Variants in MKLN1 observed in about 807,000 individuals in gnomAD.
MKLN1 encodes the protein muskelin 1.
In MKLN1, 18 loss-of-function variants were observed where a neutral mutation model predicts 99.0. The observed-to-expected ratio is 0.18, with a 90% confidence interval of 0.13 to 0.27. MKLN1 has a LOEUF of 0.27. Ranked by LOEUF, MKLN1 falls within the 10% of genes least tolerant of loss-of-function variation. The pLI, the probability that MKLN1 is intolerant of heterozygous loss-of-function variation, is 1.00. For missense variants in MKLN1, 621 were observed against 875.9 expected, an observed-to-expected ratio of 0.71 and a Z score of 3.67; for synonymous variants, 288 against 293.2, an observed-to-expected ratio of 0.98 and a Z score of 0.18.
intron 6 of MKLN1, among the ~76,000 whole-genome samples, chr7:131,404,767 G>C (rs1358503192): frequency 6.6e-6 from 1 of 151,542 alleles, no homozygotes; most frequent in Non-Finnish European, 1.5e-5. Context: ...ACTACACCCG[G>C]TTAATTTTTT....
At chr7:131,260,401 T>G (rs975654155) in intron 3 of MKLN1, among the ~76,000 whole-genome samples, 1 of 151,854 alleles carries the variant, frequency 6.6e-6, no homozygotes, top group African/African-American at 2.4e-5. Context: ...AAGAATAAAA[T>G]ACCTAGGAAT....
At chr7:131,416,900 T>C (rs576151334) in intron 8 of MKLN1, among the ~76,000 whole-genome samples, 61 of 150,730 alleles carry the variant, frequency 4.0e-4, no homozygotes, top group African/African-American at 1.5e-3. Context: ...GAAGGATTGC[T>C]TGAGCCCAGG....
intron 4 of MKLN1, among the ~76,000 whole-genome samples, chr7:131,391,852 T>C (rs1563325631): frequency 6.6e-6 from 1 of 152,228 alleles, no homozygotes; most frequent in Admixed American, 6.5e-5. Context: ...TTCGTACTTA[T>C]ATTTTTAAAG....
intron 2 of MKLN1, among the ~76,000 whole-genome samples, chr7:131,199,898 G>C (rs1796702538): frequency 6.6e-6 from 1 of 152,100 alleles, no homozygotes; most frequent in Admixed American, 6.5e-5. Flanking sequence ...GGGCTTTGCT[G>C]TGTTGGCCAG....
intron 1 of MKLN1, among the ~76,000 whole-genome samples, chr7:131,361,284 T>C (rs1800020708): frequency 2.0e-5 from 3 of 151,902 alleles, no homozygotes; most frequent in African/African-American, 7.2e-5. Context: ...ATAGCTTTTT[T>C]ATTTTAAAAA....
At chr7:131,159,720 A>C (rs1042148581) in intron 2 of MKLN1, among the ~76,000 whole-genome samples, 3 of 152,208 alleles carry the variant, frequency 2.0e-5, no homozygotes, top group African/African-American at 7.2e-5. Flanking sequence ...CAGGTTTCAA[A>C]ATATCACATG....
chr7:131,352,342 G>C (rs1185174409), intron 1 of MKLN1, among the ~76,000 whole-genome samples: 1 of 152,106 alleles, frequency 6.6e-6, no homozygotes, highest in Non-Finnish European at 1.5e-5. Flanking sequence ...ATGATGTTCA[G>C]AGTGCATAAT....
intron 2 of MKLN1, among the ~76,000 whole-genome samples, chr7:131,381,757 T>C (rs1430081714): frequency 6.6e-6 from 1 of 152,146 alleles, no homozygotes; most frequent in Non-Finnish European, 1.5e-5. Context: ...AAGAAAATAA[T>C]TGTTTTCTTT....
Position 131,388,920 on chromosome 7 carries a change from C to T in MKLN1, c.348C>T (p.Thr116=). The part of the protein sequence containing the change: ...LKNDYNKETF[T]LKHKIDEQMF... ...ATGATTATAACAAAGAAACATTCAC[C>T]TTGAAGCATAAAATTGATGAACAGA... Residue 116 remains threonine, a synonymous_variant, in exon 4 of 18, where the codon ACC becomes ACT. Transcript: ENST00000352689. The T allele has an allele frequency of 6.2e-7, 1 of 1,610,280 alleles. No individual in the cohort carries two copies. The highest frequency in any genetic ancestry group is 8.5e-7 in the Non-Finnish European group (1 of 1,177,856).
At chr7:131,456,066 A>G (rs545169359) in intron 12 of MKLN1, among the ~76,000 whole-genome samples, 2 of 152,174 alleles carry the variant, frequency 1.3e-5, no homozygotes, top group South Asian at 4.1e-4. Context: ...AAAAAAGAGA[A>G]AAGAAACTGT....
At chr7:131,475,362 A>T (rs999404850) in intron 16 of MKLN1, among the ~76,000 whole-genome samples, 3 of 152,136 alleles carry the variant, frequency 2.0e-5, no homozygotes. Context: ...GTAATAAAAA[A>T]TTTTCTAACA....
chr7:131,474,095 A>T (rs538194868), intron 16 of MKLN1, among the ~76,000 whole-genome samples: 1 of 152,304 alleles, frequency 6.6e-6, no homozygotes, highest in South Asian at 2.1e-4. Flanking sequence ...GGTTGCAGTG[A>T]GCTGAGATTG....
intron 3 of MKLN1, among the ~76,000 whole-genome samples, chr7:131,236,357 TC>T (rs1797320679): frequency 6.6e-6 from 1 of 152,218 alleles, no homozygotes; most frequent in Non-Finnish European, 1.5e-5. Flanking sequence ...GTGGTCACTA[TC>T]CCCGCTAAAA....
rs545791783 is a variant in MKLN1 at position 131,168,320 on chromosome 7, T to G, written c.-297+25379T>G. Among the ~76,000 whole-genome samples the G allele has an allele frequency of 3.9e-5, 6 of 152,236 alleles. No homozygotes were observed. The South Asian group carries it at 1.2e-3, about 32-fold the overall frequency. The stretch of plus-strand genomic sequence containing the variant: ...CTCCGCTTTCTCACTCCTGACTCCT[T>G]CCTCTTTGCCACTCTTCCTGTATAA... On this transcript the variant is annotated intron_variant, in intron 2 of 7. Transcript: ENST00000416992.
At chr7:131,175,002 GATAGATA>G (rs1796273487) in intron 2 of MKLN1, among the ~76,000 whole-genome samples, 2 of 150,426 alleles carry the variant, frequency 1.3e-5, no homozygotes, top group African/African-American at 2.5e-5. Context: ...TAGATAGATA[GATAGATA>G]GGGTGGGTAT....
intron 3 of MKLN1, among the ~76,000 whole-genome samples, chr7:131,276,678 T>C (rs753730585): frequency 4.6e-5 from 7 of 152,168 alleles, no homozygotes; most frequent in African/African-American, 7.2e-5. Context: ...TGACTTAACG[T>C]GGACAAGCAG....
intron 3 of MKLN1, among the ~76,000 whole-genome samples, chr7:131,313,831 C>A (rs1208227731): frequency 1.3e-5 from 2 of 152,098 alleles, no homozygotes; most frequent in African/African-American, 4.8e-5. Context: ...GTTTTTAGAG[C>A]CTAATAATTT....
intron 2 of MKLN1, among the ~76,000 whole-genome samples, chr7:131,376,149 A>ATTT (rs1160113271): frequency 8.7e-5 from 6 of 69,084 alleles, no homozygotes; most frequent in Non-Finnish European, 1.6e-4. Flanking sequence ...TGATGTATGT[A>ATTT]TTTTTTTTTC....
At chr7:131,422,587 A>G (rs1795238873) in intron 8 of MKLN1, among the ~76,000 whole-genome samples, 2 of 152,194 alleles carry the variant, frequency 1.3e-5, no homozygotes, top group African/African-American at 4.8e-5. Context: ...CACCTTCACT[A>G]GAGTAAAACT....
Sources: allele counts gnomAD v4.1 joint callset (sites outside exome capture counted in the v4.1 genomes callset), GRCh38; gene constraint gnomAD v4.1.1; transcripts MANE v1.5; gene names NCBI Gene and HGNC (gene_info 2026-07-23, HGNC 2026-07-21).